Variants in ZNF385B observed in about 807,000 individuals in gnomAD.
The protein encoded by ZNF385B is zinc finger protein 533.
In ZNF385B, 23 loss-of-function variants were observed where a neutral mutation model predicts 39.2. The ratio of observed to expected loss-of-function variants is 0.59; its 90% CI spans 0.42 to 0.83. The LOEUF (loss-of-function observed/expected upper bound fraction) is 0.83, where lower values mean the gene tolerates loss of function less well. Ranked by LOEUF, ZNF385B falls within the 40% of genes least tolerant of loss-of-function variation. The pLI, the probability that ZNF385B is intolerant of heterozygous loss-of-function variation, is 0.00. For synonymous variants in ZNF385B, 205 were observed against 222.6 expected, an observed-to-expected ratio of 0.92 and a Z score of 0.70; for missense variants, 552 against 598.9, an observed-to-expected ratio of 0.92 and a Z score of 0.82.
At chr2:179,727,805 G>T (rs1224193427) in intron 3 of ZNF385B, among the ~76,000 whole-genome samples, 2 of 152,078 alleles carry the variant, frequency 1.3e-5, no homozygotes, top group Non-Finnish European at 2.9e-5. Flanking sequence ...TGACAGAAAA[G>T]ATTTATTTTG....
chr2:179,523,799 C>G (rs913891593), intron 4 of ZNF385B, among the ~76,000 whole-genome samples: 1 of 152,026 alleles, frequency 6.6e-6, no homozygotes. Context: ...TTTATCTGTA[C>G]TATTTATTTT....
rs111703411 is a variant in ZNF385B, at chr2:179,554,388, G to A, written c.299-9419C>T. ...CTTTGAGGAATGGCTTGTGTTTGAGGGGTATATATGGAAGAATGGTGGAGC... is the reference window on the plus strand; with the variant it reads ...CTTTGAGGAATGGCTTGTGTTTGAGAGGTATATATGGAAGAATGGTGGAGC... On this transcript the variant is annotated intron_variant, in intron 3 of 9. Coordinates refer to ENST00000410066, the MANE Select transcript of ZNF385B (RefSeq NM_152520.6). Among the ~76,000 whole-genome samples the A allele has an allele frequency of 4.9e-3, 736 of 149,154 alleles. 62 individuals carry two copies. The highest frequency in any genetic ancestry group is 0.015 in the South Asian group (71 of 4,644).
intron 5 of ZNF385B, among the ~76,000 whole-genome samples, chr2:179,498,430 TA>T (rs1176163306): frequency 1.3e-5 from 2 of 151,956 alleles, no homozygotes; most frequent in Non-Finnish European, 2.9e-5. Context: ...AGAACAGATT[TA>T]AAAAACTCAT....
intron 3 of ZNF385B, among the ~76,000 whole-genome samples, chr2:179,760,347 C>T (rs1056583622): frequency 7.9e-5 from 12 of 151,932 alleles, no homozygotes; most frequent in African/African-American, 2.2e-4. Flanking sequence ...AAACTCACCC[C>T]TATCCCTTAC....
intron 1 of ZNF385B, among the ~76,000 whole-genome samples, chr2:179,824,891 C>A (rs1233786167): frequency 2.0e-5 from 3 of 150,382 alleles, no homozygotes; most frequent in Non-Finnish European, 4.4e-5. Flanking sequence ...AAAAAAAAAA[C>A]ATTTTGGCAA....
At chr2:179,858,492 T>C (rs1157614756) in intron 1 of ZNF385B, among the ~76,000 whole-genome samples, 2 of 151,042 alleles carry the variant, frequency 1.3e-5, no homozygotes, top group Non-Finnish European at 3.0e-5. Flanking sequence ...AAAAGTAACA[T>C]ACAAAAGAGC....
At chr2:179,563,798 C>A (rs1265227043) in intron 3 of ZNF385B, among the ~76,000 whole-genome samples, 1 of 151,764 alleles carries the variant, frequency 6.6e-6, no homozygotes, top group Non-Finnish European at 1.5e-5. Flanking sequence ...GGTTTTCACT[C>A]AAAAAAAAGT....
chr2:179,647,746 C>T (rs992003384), intron 3 of ZNF385B, among the ~76,000 whole-genome samples: 1 of 152,218 alleles, frequency 6.6e-6, no homozygotes, highest in Non-Finnish European at 1.5e-5. Context: ...TCACTGATTA[C>T]TCTCACTGTG....
intron 3 of ZNF385B, among the ~76,000 whole-genome samples, chr2:179,670,479 A>AAAAACAAAAATG (rs1553502005): frequency 1.9e-4 from 25 of 130,050 alleles, no homozygotes; most frequent in African/African-American, 6.7e-4. Context: ...AGTAGAACGT[A>AAAAACAAAAATG]AAAACAAAAA....
intron 3 of ZNF385B, among the ~76,000 whole-genome samples, chr2:179,750,467 C>T (rs992012803): frequency 6.6e-6 from 1 of 152,138 alleles, no homozygotes; most frequent in Non-Finnish European, 1.5e-5. Context: ...ATTCCTTCTA[C>T]TATATGTATC....
chr2:179,518,379 A>C, intron 5 of ZNF385B, 149 bp downstream of exon 5: 1 of 600,980 alleles, frequency 1.7e-6, no homozygotes, highest in Non-Finnish European at 2.8e-6. Context: ...TTGAACCCAA[A>C]TCCTTTGGAA....
chr2:179,502,885 G>A (rs774046551), intron 5 of ZNF385B, among the ~76,000 whole-genome samples: 33 of 152,122 alleles, frequency 2.2e-4, no homozygotes, highest in Non-Finnish European at 3.7e-4. Flanking sequence ...CAACAATTTT[G>A]GTTCAAACTG....
chr2:179,760,050 A>ATTTT (rs11435978), intron 3 of ZNF385B, among the ~76,000 whole-genome samples: 6 of 144,998 alleles, frequency 4.1e-5, no homozygotes, highest in African/African-American at 1.5e-4. Flanking sequence ...CATAGTAAAA[A>ATTTT]TTTTTTTTTT....
intron 1 of ZNF385B, among the ~76,000 whole-genome samples, chr2:179,783,881 A>G (rs1575484296): frequency 6.6e-6 from 1 of 152,214 alleles, no homozygotes; most frequent in African/African-American, 2.4e-5. Flanking sequence ...CTGGGAGGGT[A>G]AATTAGTTCA....
At chr2:179,695,541 T>G (rs1698674598) in intron 3 of ZNF385B, among the ~76,000 whole-genome samples, 2 of 152,102 alleles carry the variant, frequency 1.3e-5, no homozygotes, top group South Asian at 2.1e-4. Context: ...GGAGAGAGAT[T>G]TAAACAGATA....
At chr2:179,540,752 C>T (rs549445893) in intron 4 of ZNF385B, among the ~76,000 whole-genome samples, 2 of 152,240 alleles carry the variant, frequency 1.3e-5, no homozygotes, top group East Asian at 1.9e-4. Context: ...GTGAAGAAGA[C>T]AGATTAACAG....
At chr2:179,574,507 G>A (rs1685585914) in intron 3 of ZNF385B, among the ~76,000 whole-genome samples, 1 of 152,098 alleles carries the variant, frequency 6.6e-6, no homozygotes, top group Non-Finnish European at 1.5e-5. Context: ...AAATATCTCT[G>A]AATAAACAAT....
chr2:179,492,371 A>C (rs1231948027), intron 5 of ZNF385B, among the ~76,000 whole-genome samples: 2 of 152,214 alleles, frequency 1.3e-5, no homozygotes, highest in Non-Finnish European at 2.9e-5. Context: ...CTCTATAGCT[A>C]ACTGATTCAA....
chr2:179,495,182 C>A (rs2056071230), intron 5 of ZNF385B, among the ~76,000 whole-genome samples: 2 of 152,142 alleles, frequency 1.3e-5, no homozygotes, highest in South Asian at 4.1e-4. Context: ...GACAAGCTGA[C>A]TTAAGAGATC....
Sources: allele counts gnomAD v4.1 joint callset (sites outside exome capture counted in the v4.1 genomes callset), GRCh38; gene constraint gnomAD v4.1.1; transcripts MANE v1.5; gene names NCBI Gene and HGNC (gene_info 2026-07-23, HGNC 2026-07-21).